OSBPL6: variants seen among roughly 807,000 people sequenced by gnomAD.
The protein encoded by OSBPL6 is oxysterol binding protein like 6, also known as oxysterol-binding protein-related protein 6.
OSBPL6 carries 49 observed loss-of-function variants against 125.8 expected under a neutral mutation model. That is an observed-to-expected ratio of 0.39 (90% CI 0.31 to 0.49). OSBPL6 has a LOEUF of 0.49. OSBPL6 is among the 20% of genes least tolerant of loss of function. The pLI, the probability that OSBPL6 is intolerant of heterozygous loss-of-function variation, is 0.88. For synonymous variants in OSBPL6, 394 were observed against 391.8 expected, an observed-to-expected ratio of 1.01 and a Z score of -0.07; for missense variants, 986 against 1,135.4, an observed-to-expected ratio of 0.87 and a Z score of 1.89.
intron 5 of OSBPL6, 47 bp downstream of exon 5, chr2:178,328,425 G>A (rs1688889751): frequency 6.3e-7 from 1 of 1,592,054 alleles, no homozygotes; most frequent in African/African-American, 1.4e-5. Context: ...CATAAATAAA[G>A]AAGATCTTAT....
At chr2:178,366,650 T>C (rs923306533) in intron 13 of OSBPL6, among the ~76,000 whole-genome samples, 2 of 152,230 alleles carry the variant, frequency 1.3e-5, no homozygotes, top group African/African-American at 4.8e-5. Context: ...CTTAACATAC[T>C]ATATAGTAGC....
chr2:178,351,640 G>A (rs6433722), intron 12 of OSBPL6, among the ~76,000 whole-genome samples: 36,618 of 152,104 alleles, frequency 0.24, 4,648 homozygotes, highest in Admixed American at 0.38. Flanking sequence ...TGTTGTTAGA[G>A]TGTTCATACT....
At chr2:178,368,377 G>A (rs753290013) in intron 13 of OSBPL6, among the ~76,000 whole-genome samples, 3 of 152,132 alleles carry the variant, frequency 2.0e-5, no homozygotes, top group Middle Eastern at 6.8e-3. Flanking sequence ...CATGCTTCCT[G>A]TGCTATGTAA....
chr2:178,252,665 T>G (rs2091738482), intron 1 of OSBPL6, among the ~76,000 whole-genome samples: 3 of 152,188 alleles, frequency 2.0e-5, no homozygotes, highest in Admixed American at 2.0e-4. Context: ...ATTAGCTTAC[T>G]TGAGGCCACT....
intron 2 of OSBPL6, among the ~76,000 whole-genome samples, chr2:178,301,547 G>A (rs896853377): frequency 6.6e-6 from 1 of 152,182 alleles, no homozygotes; most frequent in Non-Finnish European, 1.5e-5. Context: ...ATCTCTCAGT[G>A]ATGTAACTGG....
chr2:178,369,704 A>C (rs1252794459), intron 13 of OSBPL6, among the ~76,000 whole-genome samples: 1 of 152,234 alleles, frequency 6.6e-6, no homozygotes, highest in Non-Finnish European at 1.5e-5. Flanking sequence ...CCCATCACAC[A>C]TACCTGTAGG....
intron 1 of OSBPL6, among the ~76,000 whole-genome samples, chr2:178,221,742 C>T (rs2090348089): frequency 6.6e-6 from 1 of 152,172 alleles, no homozygotes; most frequent in South Asian, 2.1e-4. Flanking sequence ...CTCAGTCAAC[C>T]AACCATGTTT....
chr2:178,205,972 T>A, intron 1 of OSBPL6, among the ~76,000 whole-genome samples: 1 of 152,214 alleles, frequency 6.6e-6, no homozygotes, highest in East Asian at 1.9e-4. Context: ...AAAATGATAT[T>A]TCAAACTGTT....
intron 11 of OSBPL6, chr2:178,344,369 A>G (rs1690504565): frequency 1.9e-6 from 3 of 1,613,576 alleles, no homozygotes; most frequent in Non-Finnish European, 2.5e-6. Flanking sequence ...CAGTGAGTGG[A>G]TTTCAATCTC....
intron 15 of OSBPL6, among the ~76,000 whole-genome samples, chr2:178,376,238 T>A (rs1693862137): frequency 2.0e-5 from 3 of 152,132 alleles, no homozygotes; most frequent in African/African-American, 7.2e-5. Flanking sequence ...AAAGAGTTCA[T>A]CAACAAGCCC....
In OSBPL6 at chr2:178,397,608, A is replaced by G. The variant is rs766288516; in HGVS notation, c.*2049A>G. Reference sequence around the variant, plus strand: ...TGTACTTACTAGCACTTCCCTGAACAGTCTCAAAATAGCCTAAACATAAGA... The same window carrying G: ...TGTACTTACTAGCACTTCCCTGAACGGTCTCAAAATAGCCTAAACATAAGA... On this transcript the variant is annotated 3_prime_UTR_variant, in exon 25 of 25. Coordinates refer to ENST00000190611, the MANE Select transcript of OSBPL6 (RefSeq NM_032523.4). 17 of 152,178 alleles carry G rather than the reference A, an allele frequency of 1.1e-4. No homozygotes were observed. Among genetic ancestry groups the G allele is most frequent in the Non-Finnish European group, 2.1e-4 (14 of 68,044 alleles). 9.4% of individuals were successfully genotyped at this position (152,178 alleles called of 1,614,324 possible). A position where few individuals can be genotyped will look rare whatever the true frequency, so the allele number is the denominator to read the frequency against.
intron 11 of OSBPL6, 28 bp from the exon 12 acceptor site, chr2:178,349,196 T>C (rs1417039397): frequency 6.2e-7 from 1 of 1,609,880 alleles, no homozygotes; most frequent in Non-Finnish European, 8.5e-7. Flanking sequence ...ACTGTTGCTG[T>C]TTAATAATTT....
intron 1 of OSBPL6, among the ~76,000 whole-genome samples, chr2:178,249,534 T>C (rs191131507): frequency 4.3e-4 from 66 of 152,342 alleles, no homozygotes; most frequent in African/African-American, 1.4e-3. Context: ...TAAGGATTGA[T>C]TGTCATTTTT....
In OSBPL6 at chr2:178,389,121, A is replaced by C; in HGVS notation, c.2269A>C (p.Ser757Arg). 2 of 1,613,908 alleles carry C rather than the reference A, an allele frequency of 1.2e-6. No homozygotes were observed. ...GEVTIRNTKS[S>R]VCICKLTFVK... ...AGTAACCATCAGAAATACCAAAAGCAGTGTTTGCATTTGCAAACTCACATT... is the reference window on the plus strand; with the variant it reads ...AGTAACCATCAGAAATACCAAAAGCCGTGTTTGCATTTGCAAACTCACATT... The change falls in exon 21 of 25, where the codon AGT becomes CGT. Residue 757 changes from serine to arginine, a missense_variant. Around this residue, in one of 3 missense-constraint regions of OSBPL6, gnomAD observed 843 missense variants for 997.3 expected, o/e 0.85. Transcript: ENST00000190611.
At chr2:178,309,966 T>C (rs1687117699) in intron 3 of OSBPL6, among the ~76,000 whole-genome samples, 1 of 152,212 alleles carries the variant, frequency 6.6e-6, no homozygotes, top group South Asian at 2.1e-4. Flanking sequence ...AAAATATCTT[T>C]TGCAATGTGC....
At chr2:178,304,979 T>C (rs1274246053) in intron 2 of OSBPL6, among the ~76,000 whole-genome samples, 1 of 152,220 alleles carries the variant, frequency 6.6e-6, no homozygotes, top group East Asian at 1.9e-4. Flanking sequence ...GTTTATCTGA[T>C]TCAGTGTCTC....
At chr2:178,354,656 C>G (rs970945363) in intron 12 of OSBPL6, among the ~76,000 whole-genome samples, 1 of 152,200 alleles carries the variant, frequency 6.6e-6, no homozygotes, top group African/African-American at 2.4e-5. Context: ...TAACACCCCA[C>G]TGTCAATATT....
intron 11 of OSBPL6, among the ~76,000 whole-genome samples, chr2:178,342,482 A>G (rs531562206): frequency 6.6e-6 from 1 of 152,338 alleles, no homozygotes; most frequent in Non-Finnish European, 1.5e-5. Context: ...TATTGATTAA[A>G]TGAGAAGGTT....
chr2:178,325,846 G>C (rs1688655911), intron 4 of OSBPL6, among the ~76,000 whole-genome samples: 1 of 152,156 alleles, frequency 6.6e-6, no homozygotes, highest in Admixed American at 6.5e-5. Flanking sequence ...CAGCAGATGG[G>C]GCTTGGGTCC....
Sources: allele counts gnomAD v4.1 joint callset (sites outside exome capture counted in the v4.1 genomes callset), GRCh38; gene constraint gnomAD v4.1.1; regional missense constraint gnomAD v4.1.1; transcripts MANE v1.5; gene names NCBI Gene and HGNC (gene_info 2026-07-23, HGNC 2026-07-21).